The following FRAS1 variants were observed in gnomAD, a reference collection of about 807,000 sequenced individuals.
FRAS1 encodes the protein extracellular matrix organizing protein FRAS1.
In FRAS1, 290 loss-of-function variants were observed where a neutral mutation model predicts 435.2. That is an observed-to-expected ratio of 0.67 (90% CI 0.61 to 0.73). FRAS1 has a LOEUF of 0.73. FRAS1 is among the 30% of genes least tolerant of loss of function. The pLI is 0.00. For missense variants in FRAS1, 4,860 were observed against 5,001.5 expected (o/e 0.97, Z 0.85); for synonymous variants, 1,800 against 1,851.0 (o/e 0.97, Z 0.71).
chr4:78,515,059 C>A (rs1227975575), intron 65 of FRAS1, among the ~76,000 whole-genome samples: 6 of 83,586 alleles, frequency 7.2e-5, no homozygotes, highest in African/African-American at 2.0e-4. Flanking sequence ...CAGAGTAAGA[C>A]TCCATCTCAA....
In FRAS1 at chr4:78,406,312, G is replaced by C. The variant is rs115713315; in HGVS notation, c.4130-1351G>C. On this transcript the variant is annotated intron_variant, in intron 30 of 73. Transcript: ENST00000512123. ...GAATAATTAAATAGAATTAATAGAA[G>C]TGTATTAGTCTGTTTTCACACTGCT... Among the ~76,000 whole-genome samples, 1,520 of 152,260 alleles carry C rather than the reference G, an allele frequency of 1.0e-2. 8 individuals carry two copies. The highest frequency in any genetic ancestry group is 0.015 in the Non-Finnish European group (991 of 68,006).
At chr4:78,484,461 T>C (rs140277143) in intron 58 of FRAS1, among the ~76,000 whole-genome samples, 2 of 152,228 alleles carry the variant, frequency 1.3e-5, no homozygotes, top group Non-Finnish European at 2.9e-5. Context: ...GTAATCATTT[T>C]TCATTTTGAA....
At chr4:78,232,792 A>G (rs559787454) in intron 2 of FRAS1, among the ~76,000 whole-genome samples, 1 of 152,302 alleles carries the variant, frequency 6.6e-6, no homozygotes, top group East Asian at 1.9e-4. Context: ...AAACAAACTC[A>G]GGGTTGATTA....
chr4:78,465,635 G>A lies in FRAS1; in HGVS notation c.7030-573G>A, dbSNP rs76923247. ...AGAGGCCAAGAGGCTGGAACCCATT[G>A]AACAGGCAGGAGAAAAGAATGAGAC... On this transcript the variant is annotated intron_variant, in intron 49 of 73. Coordinates refer to ENST00000512123, the MANE Select transcript of FRAS1 (RefSeq NM_025074.7). Among the ~76,000 whole-genome samples, 1,492 of 152,334 alleles carry A rather than the reference G, an allele frequency of 9.8e-3. 17 individuals carry two copies. The highest frequency in any genetic ancestry group is 0.034 in the African/African-American group (1,423 of 41,564).
chr4:78,182,054 G>C (rs1430981261), intron 2 of FRAS1: 1 of 1,507,614 alleles, frequency 6.6e-7, no homozygotes, highest in Non-Finnish European at 8.8e-7. Context: ...CATGATGGTG[G>C]CTCGGCGGCG....
At chr4:78,467,377 T>A (rs530366460) in intron 50 of FRAS1, among the ~76,000 whole-genome samples, 4 of 152,200 alleles carry the variant, frequency 2.6e-5, no homozygotes, top group Non-Finnish European at 5.9e-5. Context: ...TCCCGTTCTA[T>A]ACATGTTGTT....
chr4:78,274,262 C>T (rs1488647451), intron 9 of FRAS1, among the ~76,000 whole-genome samples: 2 of 152,166 alleles, frequency 1.3e-5, no homozygotes, highest in African/African-American at 4.8e-5. Context: ...TTTCAAAAAA[C>T]TAGCTCCTGG....
chr4:78,475,398 T>G, intron 53 of FRAS1, 40 bp from the exon 54 acceptor site: 1 of 1,611,484 alleles, frequency 6.2e-7, no homozygotes, highest in Middle Eastern at 1.7e-4. Context: ...TTCATAACCA[T>G]GGGGCATAGT....
In FRAS1 at chr4:78,519,482, G is replaced by T. The variant is rs1191697953; in HGVS notation, c.10540+1G>T. 1 of 1,607,426 alleles carries T rather than the reference G, an allele frequency of 6.2e-7. No homozygotes were observed. The highest frequency in any genetic ancestry group is 1.7e-5 in the Admixed American group (1 of 58,736). On this transcript the variant is annotated splice_donor_variant, in intron 67 of 73. Coordinates refer to ENST00000512123, the MANE Select transcript of FRAS1 (RefSeq NM_025074.7). LOFTEE classifies it high-confidence loss of function. ...TATGACACTGTTCTCTGGAGAACAG[G>T]TATGCCCACTGACGCCTTAACTATC...
intron 40 of FRAS1, among the ~76,000 whole-genome samples, chr4:78,440,519 G>A (rs1734619103): frequency 6.6e-6 from 1 of 152,066 alleles, no homozygotes; most frequent in Non-Finnish European, 1.5e-5. Context: ...ATCTCCAGCA[G>A]GCTAGAGAAA....
At chr4:78,499,946 G>A in intron 61 of FRAS1, 25 bp downstream of exon 61, 1 of 1,488,748 alleles carries the variant, frequency 6.7e-7, no homozygotes, top group East Asian at 2.3e-5. Flanking sequence ...ACCTCAATCT[G>A]TGGGTTTTAC....
At chr4:78,510,339 A>G (rs1720993459) in intron 63 of FRAS1, among the ~76,000 whole-genome samples, 1 of 152,156 alleles carries the variant, frequency 6.6e-6, no homozygotes, top group African/African-American at 2.4e-5. Flanking sequence ...TCAATTATTT[A>G]TTTAATGCCA....
At chr4:78,401,002 C>A in intron 30 of FRAS1, 115 bp downstream of exon 30, 1 of 840,288 alleles carries the variant, frequency 1.2e-6, no homozygotes, top group Non-Finnish European at 1.8e-6. Flanking sequence ...CTTTCTAATA[C>A]CTTACAAATC....
At chr4:78,517,960 CA>C in intron 66 of FRAS1, among the ~76,000 whole-genome samples, 1 of 151,352 alleles carries the variant, frequency 6.6e-6, no homozygotes, top group East Asian at 1.9e-4. Context: ...TTAAAAAGAA[CA>C]AAAAGAGGGG....
chr4:78,142,141 T>C (rs1283617135), intron 2 of FRAS1, among the ~76,000 whole-genome samples: 1 of 150,366 alleles, frequency 6.7e-6, no homozygotes, highest in Non-Finnish European at 1.5e-5. Flanking sequence ...GAAAAAAAAA[T>C]GGGACTACGG....
At chr4:78,193,532 T>C (rs576790545) in intron 2 of FRAS1, among the ~76,000 whole-genome samples, 1 of 152,344 alleles carries the variant, frequency 6.6e-6, no homozygotes, top group Admixed American at 6.5e-5. Context: ...GTAGTGGCCT[T>C]CTGTGTCTCT....
chr4:78,116,007 C>T (rs1397744047), intron 2 of FRAS1, among the ~76,000 whole-genome samples: 3 of 152,138 alleles, frequency 2.0e-5, no homozygotes, highest in Admixed American at 6.5e-5. Flanking sequence ...TTTAATGTGT[C>T]CCAGAGATTC....
intron 38 of FRAS1, among the ~76,000 whole-genome samples, chr4:78,435,091 T>A (rs182167922): frequency 6.6e-6 from 1 of 152,126 alleles, no homozygotes; most frequent in African/African-American, 2.4e-5. Context: ...ACCCTGTCTC[T>A]ACAAAAATAC....
At chr4:78,320,211 A>C (rs922407869) in intron 18 of FRAS1, among the ~76,000 whole-genome samples, 1 of 152,136 alleles carries the variant, frequency 6.6e-6, no homozygotes, top group African/African-American at 2.4e-5. Flanking sequence ...CCATGTATGC[A>C]TTGCCCAACC....
Sources: gnomAD v4.1 joint callset for allele counts (sites outside exome capture counted in the v4.1 genomes callset) on GRCh38, gnomAD v4.1.1 for gene constraint, MANE v1.5 for transcripts, NCBI Gene and HGNC (gene_info 2026-07-23, HGNC 2026-07-21) for gene names.